Variants in ADORA2B observed in about 807,000 individuals in gnomAD.
ADORA2B encodes the protein adenosine A2b receptor.
Under a neutral mutation model 20.8 loss-of-function variants are expected in ADORA2B, and 18 were observed. That is an observed-to-expected ratio of 0.87 (90% CI 0.60 to 1.29). The LOEUF is 1.29. ADORA2B is among the 50% of genes most tolerant of loss of function. The pLI is 0.00. For missense variants in ADORA2B, 441 were observed against 422.7 expected (o/e 1.04, Z -0.38); for synonymous variants, 179 against 178.3 (o/e 1.00, Z -0.03).
upstream of ADORA2B, among the ~76,000 whole-genome samples, chr17:15,944,198 C>T (rs1969769316): frequency 6.6e-6 from 1 of 152,056 alleles, no homozygotes; most frequent in African/African-American, 2.4e-5. The surrounding 1 kb of genome is among the most constrained non-coding windows in gnomAD (Gnocchi z 4.8). Context: ...GGCGGCAGCA[C>T]AGGTTTGGGG....
chr17:15,882,634 G>A, the ADORA2B span, among the ~76,000 whole-genome samples: 198 of 152,188 alleles, frequency 1.3e-3, 1 homozygote, highest in African/African-American at 4.3e-3. Context: ...GCTTTCCAGC[G>A]TCATTTGAAG....
In ADORA2B at chr17:15,945,205, G is replaced by A; in HGVS notation, c.-44G>A. 1 of 1,375,196 alleles carries A rather than the reference G, an allele frequency of 7.3e-7. No homozygotes were observed. Among genetic ancestry groups the A allele is most frequent in the South Asian group, 1.7e-5 (1 of 59,572 alleles). The allele number at this position is 1,375,196 out of a possible 1,614,324, so 85.2% of individuals were successfully genotyped here. ...GTCTCACGCGGCTGCCCCTCGCCCGGCGCGCCTTCGGTAGGGGGCGCCCGG... is the reference window on the plus strand; with the variant it reads ...GTCTCACGCGGCTGCCCCTCGCCCGACGCGCCTTCGGTAGGGGGCGCCCGG... On this transcript the variant is annotated 5_prime_UTR_variant, in exon 1 of 2. Coordinates refer to ENST00000304222, the MANE Select transcript of ADORA2B (RefSeq NM_000676.4).
At chr17:15,945,668 G>T in intron 1 of ADORA2B, 85 bp downstream of exon 1, 2 of 1,326,086 alleles carry the variant, frequency 1.5e-6, no homozygotes, top group Non-Finnish European at 2.0e-6. Context: ...TTCCTCCCTC[G>T]GGGGCCCCAG....
the ADORA2B span, among the ~76,000 whole-genome samples, chr17:15,873,754 C>T: frequency 1.3e-5 from 2 of 152,004 alleles, no homozygotes; most frequent in Non-Finnish European, 2.9e-5. Flanking sequence ...TAAATGTTGG[C>T]GTGGATGTGG....
intron 1 of ADORA2B, among the ~76,000 whole-genome samples, chr17:15,952,541 G>A (rs915902428): frequency 6.6e-6 from 1 of 151,776 alleles, no homozygotes; most frequent in African/African-American, 2.4e-5. Flanking sequence ...TGCACACCCC[G>A]AGGTCACCCC....
At position 15,945,425 on chromosome 17, in the gene ADORA2B, C is replaced by T. The variant is rs1429176924; in HGVS notation, c.177C>T (p.Phe59=). Residue 59 remains phenylalanine, a synonymous_variant, in exon 1 of 2, where the codon TTC becomes TTT. Coordinates refer to ENST00000304222, the MANE Select transcript of ADORA2B (RefSeq NM_000676.4). Reference sequence around the variant, plus strand: ...CGGCCGACGTGGCCGTGGGGCTCTTCGCCATCCCCTTTGCCATCACCATCA... The same window carrying T: ...CGGCCGACGTGGCCGTGGGGCTCTTTGCCATCCCCTTTGCCATCACCATCA... ...LAAADVAVGL[F]AIPFAITISL... 6.2e-7 allele frequency: 1 copy of T among 1,613,670 alleles called. No homozygotes were observed. The highest frequency in any genetic ancestry group is 8.5e-7 in the Non-Finnish European group (1 of 1,179,972).
chr17:15,963,016 T>C (rs1970059665), intron 1 of ADORA2B, among the ~76,000 whole-genome samples: 1 of 152,196 alleles, frequency 6.6e-6, no homozygotes, highest in Non-Finnish European at 1.5e-5. Context: ...TGGAGAATTA[T>C]ATATAAAAAC....
At chr17:15,945,667 C>A in intron 1 of ADORA2B, 84 bp downstream of exon 1, 1 of 1,333,052 alleles carries the variant, frequency 7.5e-7, no homozygotes, top group Non-Finnish European at 9.9e-7. Context: ...GTTCCTCCCT[C>A]GGGGGCCCCA....
the ADORA2B span, among the ~76,000 whole-genome samples, chr17:15,865,336 A>T: frequency 8.4e-4 from 127 of 151,904 alleles, no homozygotes; most frequent in African/African-American, 3.0e-3. Flanking sequence ...ATCTCGGCTC[A>T]CTGCAACCTC....
At chr17:15,876,449 C>CTTTTT in the ADORA2B span, among the ~76,000 whole-genome samples, 2 of 119,294 alleles carry the variant, frequency 1.7e-5, no homozygotes, top group Non-Finnish European at 3.5e-5. Flanking sequence ...TTTCTTTTTT[C>CTTTTT]TTTTTTTTTT....
chr17:15,895,813 G>A, the ADORA2B span, among the ~76,000 whole-genome samples: 23 of 152,314 alleles, frequency 1.5e-4, no homozygotes, highest in East Asian at 4.0e-3. Flanking sequence ...AAGAGAGGGA[G>A]GACTGAGGAA....
At chr17:15,857,814 TACACTC>T in the ADORA2B span, among the ~76,000 whole-genome samples, 1 of 152,130 alleles carries the variant, frequency 6.6e-6, no homozygotes, top group African/African-American at 2.4e-5. Flanking sequence ...AGTGGACTAA[TACACTC>T]ACATACATGG....
intron 1 of ADORA2B, among the ~76,000 whole-genome samples, chr17:15,964,335 T>C (rs1970073880): frequency 6.6e-6 from 1 of 152,258 alleles, no homozygotes; most frequent in South Asian, 2.1e-4. Context: ...GGCTGGGCGC[T>C]GTGACTCACA....
intron 1 of ADORA2B, among the ~76,000 whole-genome samples, chr17:15,966,855 C>G (rs1162165178): frequency 1.3e-5 from 2 of 152,254 alleles, no homozygotes; most frequent in Non-Finnish European, 2.9e-5. Context: ...GTTATTCACT[C>G]TCCTACATTT....
chr17:15,881,646 T>G, the ADORA2B span, among the ~76,000 whole-genome samples: 8 of 152,230 alleles, frequency 5.3e-5, no homozygotes, highest in African/African-American at 1.9e-4. Context: ...ATTTACCCAT[T>G]CTGGGCACCT....
the ADORA2B span, among the ~76,000 whole-genome samples, chr17:15,917,122 A>C: frequency 6.6e-6 from 1 of 152,250 alleles, no homozygotes; most frequent in Non-Finnish European, 1.5e-5. Flanking sequence ...AGCCTGGGCA[A>C]CAAAAACGAG....
chr17:15,883,007 G>A, the ADORA2B span, among the ~76,000 whole-genome samples: 1 of 146,110 alleles, frequency 6.8e-6, no homozygotes, highest in African/African-American at 2.6e-5. Flanking sequence ...ACAGTCCCAA[G>A]TGAATCTGCA....
chr17:15,960,288 C>T (rs1425640551), intron 1 of ADORA2B, among the ~76,000 whole-genome samples: 1 of 115,188 alleles, frequency 8.7e-6, no homozygotes, highest in Non-Finnish European at 1.8e-5. Context: ...GGCGCGGTGG[C>T]TCACGCCTGT....
the ADORA2B span, among the ~76,000 whole-genome samples, chr17:15,934,061 A>G: frequency 6.6e-6 from 1 of 152,100 alleles, no homozygotes; most frequent in Non-Finnish European, 1.5e-5. Context: ...TTTTCAAATC[A>G]TGAAAGGATG....
Sources: gnomAD v4.1 joint callset for allele counts (sites outside exome capture counted in the v4.1 genomes callset) on GRCh38, gnomAD v4.1.1 for gene constraint, Gnocchi (gnomAD v3.1) non-coding constraint, MANE v1.5 for transcripts, NCBI Gene and HGNC (gene_info 2026-07-23, HGNC 2026-07-21) for gene names.